Variants in NSUN2 observed in about 807,000 individuals in gnomAD.
NSUN2 encodes the protein NOP2/Sun RNA methyltransferase 2.
In NSUN2, 63 loss-of-function variants were observed where a neutral mutation model predicts 92.7. The observed-to-expected ratio is 0.68, with a 90% CI of 0.56 to 0.84. NSUN2 has a LOEUF of 0.84. Ranked by LOEUF, NSUN2 falls within the 40% of genes least tolerant of loss-of-function variation. NSUN2 has a pLI of 0.00. For synonymous variants in NSUN2, 356 were observed against 348.3 expected (o/e 1.02, Z -0.25); for missense variants, 989 against 964.9 (o/e 1.02, Z -0.33).
intron 17 of NSUN2, among the ~76,000 whole-genome samples, chr5:6,603,190 G>A (rs987252681): frequency 4.6e-5 from 7 of 152,234 alleles, no homozygotes; most frequent in African/African-American, 1.7e-4. Flanking sequence ...GAACAGCTTG[G>A]AGAAATGATT....
In NSUN2 at chr5:6,629,500, T is replaced by A. The variant is rs375461527; in HGVS notation, c.359+2373A>T. Among the ~76,000 whole-genome samples the A allele has an allele frequency of 3.9e-5, 6 of 152,370 alleles. No homozygotes were observed. The East Asian group carries it at 1.2e-3, about 29-fold the overall frequency. Reference sequence around the variant, plus strand: ...AACGTTCCTCCTGGACAGGAACTTCTTCATCTTAAAAGCATTTCTTATCCC... The same window carrying A: ...AACGTTCCTCCTGGACAGGAACTTCATCATCTTAAAAGCATTTCTTATCCC... On this transcript the variant is annotated intron_variant, in intron 3 of 18. Coordinates refer to ENST00000264670, the MANE Select transcript of NSUN2 (RefSeq NM_017755.6).
intron 4 of NSUN2, among the ~76,000 whole-genome samples, chr5:6,625,027 G>A (rs1737594138): frequency 6.6e-6 from 1 of 151,990 alleles, no homozygotes; most frequent in Non-Finnish European, 1.5e-5. Context: ...ATGCCGTCCT[G>A]TGAGGACCAA....
At chr5:6,616,332 T>C (rs1208919001) in intron 9 of NSUN2, among the ~76,000 whole-genome samples, 1 of 152,158 alleles carries the variant, frequency 6.6e-6, no homozygotes, top group Non-Finnish European at 1.5e-5. Context: ...TAATAAGCAA[T>C]GCAATTTTGA....
At chr5:6,629,328 TGTAACTGTA>T (rs1297068851) in intron 3 of NSUN2, among the ~76,000 whole-genome samples, 1 of 152,202 alleles carries the variant, frequency 6.6e-6, no homozygotes, top group Non-Finnish European at 1.5e-5. Flanking sequence ...CAAATCCAAG[TGTAACTGTA>T]GTTTGCAGAG....
chr5:6,632,802 C>CCCTCGCCGCCG, intron 1 of NSUN2, 46 bp from the exon 2 acceptor site: 2 of 1,586,176 alleles, frequency 1.3e-6, no homozygotes, highest in South Asian at 2.2e-5. Flanking sequence ...AGGAGCCGCC[C>CCCTCGCCGCCG]CCTCGCCGCC....
chr5:6,606,301 T>G (rs1736767155), intron 14 of NSUN2, among the ~76,000 whole-genome samples: 1 of 152,234 alleles, frequency 6.6e-6, no homozygotes, highest in Non-Finnish European at 1.5e-5. Flanking sequence ...TTGTTTTTTT[T>G]GAGACGGAGT....
intron 10 of NSUN2, 135 bp from the exon 11 acceptor site, chr5:6,611,220 G>T: frequency 2.1e-6 from 2 of 969,902 alleles, no homozygotes; most frequent in Non-Finnish European, 3.0e-6. Flanking sequence ...AAGATTATTT[G>T]CCAAGACAAA....
chr5:6,622,394 T>C (rs1737482683), intron 5 of NSUN2, among the ~76,000 whole-genome samples: 2 of 152,156 alleles, frequency 1.3e-5, no homozygotes, highest in South Asian at 2.1e-4. Context: ...GGAACAGAGC[T>C]ACCTAGACTC....
chr5:6,632,855 T>A, intron 1 of NSUN2, 29 bp downstream of exon 1: 6 of 1,540,270 alleles, frequency 3.9e-6, no homozygotes, highest in Non-Finnish European at 5.2e-6. Flanking sequence ...GAGGAGCCCC[T>A]GGCCCGCCCG....
chr5:6,612,130 A>G (rs3733775), intron 9 of NSUN2, among the ~76,000 whole-genome samples: 91,728 of 152,026 alleles, frequency 0.6, 28,055 homozygotes, highest in Non-Finnish European at 0.67. Flanking sequence ...ATGAGCAAAC[A>G]TTAACAATAT....
chr5:6,632,601 T>G lies in NSUN2; in HGVS notation c.252A>C (p.Lys84Asn). 1 of 1,613,822 alleles carries G rather than the reference T, an allele frequency of 6.2e-7. No individual in the cohort carries two copies. The highest frequency in any genetic ancestry group is 8.5e-7 in the Non-Finnish European group (1 of 1,179,872). Residue 84 changes from lysine to asparagine, a missense_variant and splice_region_variant, in exon 2 of 19, where the codon AAA becomes AAC. Coordinates refer to ENST00000264670, the MANE Select transcript of NSUN2 (RefSeq NM_017755.6). ...LPATLRITGY[K>N]SHAKEILHCL... ...AAAATCAGGCACTGCCTCCCTACCT[T>G]TTGTAACCAGTAATTCTTAAAGTGG... is the stretch of plus-strand genomic sequence containing the variant.
chr5:6,620,103 T>C lies in NSUN2; in HGVS notation c.815+3A>G, dbSNP rs1399810299. The C allele has an allele frequency of 3.9e-6, 6 of 1,558,376 alleles. No homozygotes were observed. The highest frequency in any genetic ancestry group is 2.0e-5 in the Admixed American group (1 of 48,818). On this transcript the variant is annotated splice_donor_region_variant and intron_variant, in intron 7 of 18. Transcript: ENST00000264670. ...TGGGCTTTTTGGCCAATAAGATAAA[T>C]ACCTGCAAGGGACATCACATAAAAT...
chr5:6,606,956 G>C (rs751867662), intron 13 of NSUN2, 44 bp from the exon 14 acceptor site: 6 of 1,198,618 alleles, frequency 5.0e-6, no homozygotes, highest in Non-Finnish European at 7.4e-6. Context: ...TGTAATGTGT[G>C]GTAACCTTCA....
chr5:6,605,428 T>C lies in NSUN2; in HGVS notation c.1602-20A>G, dbSNP rs577897736. ...AATTTCCTGTACATAACAACATTGTTGTTTATCCACAATGAGTTCAAAATC... is the reference window on the plus strand; with the variant it reads ...AATTTCCTGTACATAACAACATTGTCGTTTATCCACAATGAGTTCAAAATC... On this transcript the variant is annotated intron_variant, in intron 14 of 18. Transcript: ENST00000264670. 1.0e-4 allele frequency: 167 copies of C among 1,611,790 alleles called. No homozygotes were observed. The highest frequency in any genetic ancestry group is 1.4e-4 in the Non-Finnish European group (161 of 1,178,148).
intron 3 of NSUN2, among the ~76,000 whole-genome samples, chr5:6,630,760 A>G (rs1027494437): frequency 4.6e-5 from 7 of 152,238 alleles, no homozygotes; most frequent in Admixed American, 6.5e-5. Flanking sequence ...GAAAGATAAC[A>G]CTACGTACTG....
rs768150734 is a variant in NSUN2 at position 6,623,240 on chromosome 5, G to A, written c.511C>T (p.Leu171Phe). ...TTATGATGAGGCCGCACGTTGAGGA[G>A]CAGTGGTGGGATCATGCTAACAGCT... Reference protein sequence around the residue: ...QEAVSMIPPLLLNVRPHHKIL... With the variant: ...QEAVSMIPPLFLNVRPHHKIL... Residue 171 changes from leucine to phenylalanine, a missense_variant, in exon 5 of 19, where the codon CTC (leucine) becomes TTC (phenylalanine). By Grantham distance (22) the Leu-to-Phe change is conservative. Transcript: ENST00000264670. 3 of 1,606,346 alleles carry A rather than the reference G, an allele frequency of 1.9e-6. No individual in the cohort carries two copies. The highest frequency in any genetic ancestry group is 2.2e-5 in the East Asian group (1 of 44,750).
chr5:6,608,979 G>A (rs10475337), intron 12 of NSUN2, among the ~76,000 whole-genome samples: 2,570 of 152,278 alleles, frequency 0.017, 96 homozygotes, highest in African/African-American at 0.059. Context: ...AAAAACCCTG[G>A]TGGCGGCAGA....
intron 3 of NSUN2, among the ~76,000 whole-genome samples, chr5:6,626,237 T>C (rs1417138283): frequency 6.6e-6 from 1 of 152,246 alleles, no homozygotes; most frequent in Non-Finnish European, 1.5e-5. Context: ...GGCTGTTACC[T>C]ATATATAACT....
chr5:6,628,985 C>A (rs1737764654), intron 3 of NSUN2, among the ~76,000 whole-genome samples: 1 of 152,166 alleles, frequency 6.6e-6, no homozygotes, highest in Admixed American at 6.5e-5. Flanking sequence ...GTCAAGGCTG[C>A]AGTGAACCGT....
Sources: allele counts gnomAD v4.1 joint callset (sites outside exome capture counted in the v4.1 genomes callset), GRCh38; gene constraint gnomAD v4.1.1; transcripts MANE v1.5; gene names NCBI Gene and HGNC (gene_info 2026-07-23, HGNC 2026-07-21).